Variants in SORCS1 observed in about 807,000 individuals in gnomAD.
SORCS1 encodes the protein sortilin related VPS10 domain containing receptor 1.
SORCS1 carries 60 observed loss-of-function variants against 146.1 expected under a neutral mutation model. That is an observed-to-expected ratio of 0.41 (90% confidence interval 0.33 to 0.51). SORCS1 has a LOEUF of 0.51. SORCS1 is among the 20% of genes least tolerant of loss of function. The probability of loss-of-function intolerance (pLI) is 0.21; values close to 1 mark genes in which losing one functional copy is unlikely to be tolerated. For missense variants in SORCS1, 1,352 were observed against 1,487.6 expected (o/e 0.91, Z 1.50); for synonymous variants, 637 against 584.0 (o/e 1.09, Z -1.31).
intron 6 of SORCS1, among the ~76,000 whole-genome samples, chr10:106,722,158 T>A (rs921475462): frequency 1.5e-5 from 2 of 134,186 alleles, no homozygotes; most frequent in African/African-American, 3.0e-5. Flanking sequence ...CATATATATA[T>A]AACAATAAAA....
At chr10:107,091,139 C>T (rs1337266607) in intron 1 of SORCS1, among the ~76,000 whole-genome samples, 2 of 152,194 alleles carry the variant, frequency 1.3e-5, no homozygotes, top group African/African-American at 4.8e-5. Context: ...CATCCTTTAC[C>T]ACATTTTGTC....
intron 21 of SORCS1, among the ~76,000 whole-genome samples, chr10:106,613,345 T>C (rs914153047): frequency 1.3e-5 from 2 of 152,064 alleles, no homozygotes; most frequent in Non-Finnish European, 2.9e-5. Flanking sequence ...TGCATGCATA[T>C]AGGACAGTCA....
chr10:106,761,702 T>C (rs754705527), intron 4 of SORCS1, 41 bp from the exon 5 acceptor site: 2 of 1,499,280 alleles, frequency 1.3e-6, no homozygotes, highest in East Asian at 2.3e-5. Context: ...GGTTCTATAG[T>C]ACATCAAATA....
At chr10:106,835,163 TCTC>T (rs1271232117) in intron 2 of SORCS1, among the ~76,000 whole-genome samples, 5 of 152,136 alleles carry the variant, frequency 3.3e-5, no homozygotes, top group Non-Finnish European at 7.4e-5. Flanking sequence ...GGTGGCAAAA[TCTC>T]CTATCACGCT....
chr10:106,697,568 G>C (rs1379183783), intron 9 of SORCS1, among the ~76,000 whole-genome samples: 1 of 151,874 alleles, frequency 6.6e-6, no homozygotes, highest in Non-Finnish European at 1.5e-5. Context: ...TAAATGTTTT[G>C]GGCATTTACA....
intron 3 of SORCS1, among the ~76,000 whole-genome samples, chr10:106,780,346 T>G (rs973252662): frequency 6.6e-6 from 1 of 152,268 alleles, no homozygotes; most frequent in Non-Finnish European, 1.5e-5. Flanking sequence ...ACTCTTCATG[T>G]AACTTTGAAC....
chr10:106,592,049 C>G (rs1408505015), intron 24 of SORCS1, among the ~76,000 whole-genome samples: 1 of 152,184 alleles, frequency 6.6e-6, no homozygotes, highest in African/African-American at 2.4e-5. Context: ...TGCCAGCTGC[C>G]ATCAGGTACT....
chr10:106,782,683 A>G (rs1479419531), intron 3 of SORCS1, among the ~76,000 whole-genome samples: 1 of 152,256 alleles, frequency 6.6e-6, no homozygotes, highest in Non-Finnish European at 1.5e-5. Flanking sequence ...GGACTACTGA[A>G]CATAGTCTTC....
chr10:106,744,783 A>AGAGTGT (rs781033901), intron 5 of SORCS1, among the ~76,000 whole-genome samples: 2 of 152,244 alleles, frequency 1.3e-5, no homozygotes, highest in African/African-American at 2.4e-5. Context: ...AAGGTAAAAC[A>AGAGTGT]GAGTGTGAGT....
chr10:107,134,473 C>T (rs796815887), intron 1 of SORCS1, among the ~76,000 whole-genome samples: 4 of 152,140 alleles, frequency 2.6e-5, no homozygotes, highest in African/African-American at 9.6e-5. Flanking sequence ...CCTGTCTCTA[C>T]TAAAAATACA....
At position 106,687,325 on chromosome 10, in the gene SORCS1, T is replaced by C. The variant is rs139410557; in HGVS notation, c.1560+867A>G. Reference sequence around the variant, plus strand: ...TTTGGATGCCATCATATATCAAATATATAAATAAATTCATACTAATCTATA... The same window carrying C: ...TTTGGATGCCATCATATATCAAATACATAAATAAATTCATACTAATCTATA... On this transcript the variant is annotated intron_variant, in intron 10 of 25. Transcript: ENST00000263054. 2.3e-3 allele frequency among the ~76,000 whole-genome samples: 357 copies of C among 152,326 alleles called. 1 individual carries two copies. Among genetic ancestry groups the C allele is most frequent in the African/African-American group, 7.7e-3 (320 of 41,580 alleles).
intron 1 of SORCS1, among the ~76,000 whole-genome samples, chr10:107,153,895 T>C (rs1181764534): frequency 6.6e-6 from 1 of 152,190 alleles, no homozygotes; most frequent in Non-Finnish European, 1.5e-5. Context: ...GCAAACATTT[T>C]GAGTCATATC....
chr10:106,679,731 A>G lies in SORCS1; in HGVS notation c.1564T>C (p.Tyr522His). ...TTCAGGTGAAGGTGTAGTGAGCAAT[A>G]GGGCTGAAAAGAGAAATAATAAGTG... is the stretch of plus-strand genomic sequence containing the variant. Reference protein sequence around the residue: ...RGDPVHCLLPYCSLHLHLKVS... With the variant: ...RGDPVHCLLPHCSLHLHLKVS... The change falls in exon 11 of 26, where the codon TAT becomes CAT. Residue 522 changes from tyrosine to histidine, a missense_variant. Tyr to His is a moderately conservative substitution (Grantham distance 83). Transcript: ENST00000263054. 1 of 1,606,312 alleles carries G rather than the reference A, an allele frequency of 6.2e-7. No homozygotes were observed. Among genetic ancestry groups the G allele is most frequent in the Non-Finnish European group, 8.5e-7 (1 of 1,175,146 alleles).
intron 1 of SORCS1, among the ~76,000 whole-genome samples, chr10:107,132,787 T>C (rs971273176): frequency 6.6e-6 from 1 of 152,200 alleles, no homozygotes; most frequent in East Asian, 1.9e-4. Context: ...ATTACCACGT[T>C]CAACAGCCCC....
At chr10:106,597,714 T>G (rs1845989317) in intron 23 of SORCS1, among the ~76,000 whole-genome samples, 3 of 152,204 alleles carry the variant, frequency 2.0e-5, no homozygotes, top group African/African-American at 7.2e-5. Flanking sequence ...AAAATTATTC[T>G]GTATGATCTT....
chr10:106,693,928 C>T (rs540519020), intron 9 of SORCS1, among the ~76,000 whole-genome samples: 86 of 152,290 alleles, frequency 5.6e-4, no homozygotes, highest in African/African-American at 2.1e-3. Flanking sequence ...AAGATGAATA[C>T]TACCTACCAC....
At chr10:106,633,263 C>G (rs1589524486) in intron 18 of SORCS1, among the ~76,000 whole-genome samples, 1 of 152,146 alleles carries the variant, frequency 6.6e-6, no homozygotes, top group East Asian at 1.9e-4. Context: ...GTGATAAAAT[C>G]AGGGTAACTG....
intron 2 of SORCS1, among the ~76,000 whole-genome samples, chr10:106,850,445 C>CACTG (rs1554860502): frequency 2.0e-5 from 3 of 152,080 alleles, no homozygotes; most frequent in Non-Finnish European, 4.4e-5. Flanking sequence ...TGCTTCGGCT[C>CACTG]GCACACGGTG....
intron 9 of SORCS1, among the ~76,000 whole-genome samples, chr10:106,689,179 T>C (rs961883243): frequency 2.6e-5 from 4 of 152,228 alleles, no homozygotes; most frequent in Admixed American, 6.5e-5. Context: ...CTCCCTTCTA[T>C]ATGTTAGGTA....
Sources: gnomAD v4.1 joint callset for allele counts (sites outside exome capture counted in the v4.1 genomes callset) on GRCh38, gnomAD v4.1.1 for gene constraint, MANE v1.5 for transcripts, NCBI Gene and HGNC (gene_info 2026-07-23, HGNC 2026-07-21) for gene names.